UTRN: variants seen among roughly 807,000 people sequenced by gnomAD.
UTRN encodes dystrophin-related protein 1.
A neutral mutation model predicts 463.9 loss-of-function variants in UTRN; 283 were observed. That is an observed-to-expected ratio of 0.61 (90% CI 0.55 to 0.67). UTRN has a LOEUF of 0.67. UTRN is among the 30% of genes least tolerant of loss of function. The probability of loss-of-function intolerance (pLI) is 0.00; values close to 1 mark genes in which losing one functional copy is unlikely to be tolerated. For missense variants in UTRN, 3,922 were observed against 4,084.3 expected, an observed-to-expected ratio of 0.96 and a Z score of 1.08; for synonymous variants, 1,442 against 1,431.5, an observed-to-expected ratio of 1.01 and a Z score of -0.17.
At chr6:144,639,157 C>A (rs1777511771) in intron 51 of UTRN, among the ~76,000 whole-genome samples, 1 of 152,186 alleles carries the variant, frequency 6.6e-6, no homozygotes. Context: ...TTGCCAAGAT[C>A]TTTGATGACC....
intron 2 of UTRN, chr6:144,312,140 T>C (rs1454871626): frequency 6.6e-6 from 1 of 152,052 alleles, no homozygotes; most frequent in African/African-American, 2.4e-5. Context: ...ATAAAGCAAT[T>C]TGGGGCCAGG....
intron 50 of UTRN, among the ~76,000 whole-genome samples, chr6:144,565,017 C>T (rs67398846): frequency 0.059 from 8,995 of 152,084 alleles, 333 homozygotes; most frequent in African/African-American, 0.081. Context: ...AGAATAATTG[C>T]GAAGATCAGA....
At position 144,444,336 on chromosome 6, in the gene UTRN, G is replaced by A. The variant is rs1243291107; in HGVS notation, c.1568G>A (p.Arg523Lys). 1 of 1,610,964 alleles carries A rather than the reference G, an allele frequency of 6.2e-7. No individual in the cohort carries two copies. ...CGTTGGACTGAAGAACGCTGGAATA[G>A]GTTACAAGAAATCAATATATTGTGG... ...VCRWTEERWN[R>K]LQEINILWQE... The change falls in exon 14 of 75, where the codon AGG becomes AAG. Residue 523 changes from arginine (R) to lysine (K), a missense_variant. By Grantham distance (26) the Arg-to-Lys change is conservative (BLOSUM62 2). This residue lies in a region of UTRN where 2,349 missense variants were observed against 2,303.8 expected (regional missense o/e 1.02). Coordinates refer to ENST00000367545, the MANE Select transcript of UTRN (RefSeq NM_007124.3).
intron 13 of UTRN, among the ~76,000 whole-genome samples, chr6:144,442,920 T>A (rs1787315739): frequency 6.6e-6 from 1 of 152,162 alleles, no homozygotes; most frequent in East Asian, 1.9e-4. Context: ...TACCTAAATC[T>A]AGGTGAGGGA....
intron 52 of UTRN, among the ~76,000 whole-genome samples, chr6:144,693,521 G>A (rs143847440): frequency 7.8e-4 from 119 of 152,262 alleles, no homozygotes; most frequent in Middle Eastern, 6.8e-3. Context: ...TCCTATCCAC[G>A]AGCATGGAAT....
chr6:144,624,269 T>C (rs1195101259), intron 51 of UTRN, among the ~76,000 whole-genome samples: 1 of 152,180 alleles, frequency 6.6e-6, no homozygotes, highest in East Asian at 1.9e-4. Context: ...GATTTGAGTA[T>C]ATTACTGAAG....
At position 144,378,977 on chromosome 6, in the gene UTRN, A is replaced by G. The variant is rs141061612; in HGVS notation, c.80-24146A>G. 1.1e-4 allele frequency among the ~76,000 whole-genome samples: 17 copies of G among 152,340 alleles called. No homozygotes were observed. The East Asian group carries it at 2.9e-3, about 26-fold the overall frequency. On this transcript the variant is annotated intron_variant, in intron 2 of 74. Coordinates refer to ENST00000367545, the MANE Select transcript of UTRN (RefSeq NM_007124.3). ...AAAGGATTCATTTCAGCATCCTGGC[A>G]TGAACCAGTGAATGGATGAAAGTGC... is the stretch of plus-strand genomic sequence containing the variant.
intron 3 of UTRN, among the ~76,000 whole-genome samples, chr6:144,410,535 G>T (rs968074716): frequency 6.6e-6 from 1 of 151,980 alleles, no homozygotes; most frequent in Non-Finnish European, 1.5e-5. Context: ...AGTATACACT[G>T]TACCCGATTT....
At chr6:144,377,568 G>A (rs1294767784) in intron 2 of UTRN, among the ~76,000 whole-genome samples, 1 of 152,176 alleles carries the variant, frequency 6.6e-6, no homozygotes, top group Non-Finnish European at 1.5e-5. Flanking sequence ...GGTGGCAAGA[G>A]TGAGGCATGG....
intron 71 of UTRN, 45 bp from the exon 72 acceptor site, chr6:144,839,128 T>G (rs905575147): frequency 6.8e-7 from 1 of 1,471,654 alleles, no homozygotes; most frequent in Non-Finnish European, 9.5e-7. Context: ...TTCCTTATGA[T>G]TATTTGAATC....
chr6:144,836,574 C>T (rs1165263931), intron 71 of UTRN, 33 bp downstream of exon 71: 3 of 1,609,328 alleles, frequency 1.9e-6, no homozygotes, highest in East Asian at 2.2e-5. Context: ...TCACACCTCC[C>T]CAGGCCATCT....
At chr6:144,377,225 A>C (rs531000212) in intron 2 of UTRN, among the ~76,000 whole-genome samples, 2 of 152,036 alleles carry the variant, frequency 1.3e-5, no homozygotes, top group Non-Finnish European at 2.9e-5. Flanking sequence ...TCAATAGAGA[A>C]AGGGTTTCAT....
intron 34 of UTRN, among the ~76,000 whole-genome samples, chr6:144,504,300 C>T (rs886178989): frequency 6.6e-6 from 1 of 152,188 alleles, no homozygotes; most frequent in African/African-American, 2.4e-5. Flanking sequence ...TGAGAGAGGG[C>T]ATCCTTGTCT....
chr6:144,290,467 A>G (rs1262133039), intron 1 of UTRN, among the ~76,000 whole-genome samples: 1 of 152,198 alleles, frequency 6.6e-6, no homozygotes, highest in Non-Finnish European at 1.5e-5. Flanking sequence ...CACGTTCAAC[A>G]TCTTGGCAAG....
chr6:144,697,666 G>A (rs1784160574), intron 52 of UTRN, among the ~76,000 whole-genome samples: 1 of 152,130 alleles, frequency 6.6e-6, no homozygotes, highest in Non-Finnish European at 1.5e-5. Flanking sequence ...ATGCAGAGAA[G>A]CACACATATA....
intron 65 of UTRN, among the ~76,000 whole-genome samples, chr6:144,816,497 G>T (rs911034272): frequency 3.3e-5 from 5 of 151,990 alleles, no homozygotes; most frequent in Non-Finnish European, 2.9e-5. Context: ...TATATATTTT[G>T]TTTTACTTTA....
intron 51 of UTRN, among the ~76,000 whole-genome samples, chr6:144,589,621 A>G (rs1802805344): frequency 6.6e-6 from 1 of 152,180 alleles, no homozygotes; most frequent in Non-Finnish European, 1.5e-5. Flanking sequence ...TACATTAACT[A>G]AGTAATAGAT....
chr6:144,761,156 T>C (rs897582313), intron 58 of UTRN, among the ~76,000 whole-genome samples: 5 of 152,214 alleles, frequency 3.3e-5, no homozygotes, highest in Non-Finnish European at 7.3e-5. Context: ...CTAGTCTATA[T>C]AGTATAAATC....
intron 50 of UTRN, among the ~76,000 whole-genome samples, chr6:144,574,980 G>A (rs1801295115): frequency 6.6e-6 from 1 of 152,088 alleles, no homozygotes; most frequent in South Asian, 2.1e-4. Context: ...ACTGCCAGCT[G>A]TTTTTCAAAA....
Sources: gnomAD v4.1 joint callset for allele counts (sites outside exome capture counted in the v4.1 genomes callset) on GRCh38, gnomAD v4.1.1 for gene constraint, gnomAD v4.1.1 regional missense constraint, MANE v1.5 for transcripts, NCBI Gene and HGNC (gene_info 2026-07-23, HGNC 2026-07-21) for gene names.